The following WWOX variants were observed in gnomAD, a reference collection of about 807,000 sequenced individuals.
The protein encoded by WWOX is WW domain-containing oxidoreductase.
In WWOX, 69 loss-of-function variants were observed where a neutral mutation model predicts 46.2. The ratio of observed to expected loss-of-function variants is 1.49; its 90% confidence interval spans 1.23 to 1.82. The LOEUF is 1.82. Ranked by LOEUF, WWOX falls within the 40% of genes most tolerant of loss-of-function variation. The probability of loss-of-function intolerance (pLI) is 0.00; values close to 1 mark genes in which losing one functional copy is unlikely to be tolerated. For missense variants in WWOX, 919 were observed against 542.6 expected (o/e 1.69, Z -6.89); for synonymous variants, 359 against 202.6 (o/e 1.77, Z -6.56).
intron 5 of WWOX, among the ~76,000 whole-genome samples, chr16:78,333,980 G>A (rs2080821771): frequency 6.6e-6 from 1 of 152,080 alleles, no homozygotes; most frequent in Non-Finnish European, 1.5e-5. Flanking sequence ...CATGTACTTT[G>A]CATATCAGCC....
intron 5 of WWOX, among the ~76,000 whole-genome samples, chr16:78,246,306 G>A (rs1016245686): frequency 6.6e-6 from 1 of 152,190 alleles, no homozygotes; most frequent in Non-Finnish European, 1.5e-5. Context: ...AACCCAGTTT[G>A]CCAGGTCCTA....
chr16:78,211,244 G>A (rs939192314), intron 5 of WWOX, among the ~76,000 whole-genome samples: 4 of 152,294 alleles, frequency 2.6e-5, no homozygotes, highest in Admixed American at 6.5e-5. Flanking sequence ...TCAAGAAGGC[G>A]ATGGTAGAAC....
At chr16:78,627,950 G>T (rs528261319) in intron 8 of WWOX, among the ~76,000 whole-genome samples, 1 of 152,356 alleles carries the variant, frequency 6.6e-6, no homozygotes, top group South Asian at 2.1e-4. Context: ...AGTGTCACCT[G>T]TTGAGAGCTC....
chr16:79,013,716 G>T (rs775583942), intron 8 of WWOX, among the ~76,000 whole-genome samples: 7 of 152,226 alleles, frequency 4.6e-5, no homozygotes, highest in Non-Finnish European at 1.0e-4. Context: ...TCTGAAATCA[G>T]ATGGGAGCTC....
chr16:78,691,057 G>C (rs1350440662), intron 8 of WWOX, among the ~76,000 whole-genome samples: 1 of 152,122 alleles, frequency 6.6e-6, no homozygotes, highest in African/African-American at 2.4e-5. Context: ...AATGAGTTCT[G>C]ACTTCATAAA....
chr16:78,942,714 T>C (rs1597183547), intron 8 of WWOX, among the ~76,000 whole-genome samples: 1 of 152,196 alleles, frequency 6.6e-6, no homozygotes, highest in East Asian at 1.9e-4. Context: ...CTGAACTTGA[T>C]GGTCATCGCA....
In WWOX at chr16:78,425,217, T is replaced by G. The variant is rs140091517; in HGVS notation, c.791+162T>G. On this transcript the variant is annotated intron_variant, in intron 7 of 8. Transcript: ENST00000566780. ...TTTTTCCAGGTCTTTTTTGTTCGCC[T>G]GTGATTGTGGGGGACTGTTTAGAAG... Among the ~76,000 whole-genome samples the G allele has an allele frequency of 5.6e-4, 86 of 152,312 alleles. No homozygotes were observed. In the East Asian group the frequency reaches 0.013, roughly 24 times the overall value.
intron 8 of WWOX, among the ~76,000 whole-genome samples, chr16:78,951,573 A>G (rs376589400): frequency 2.9e-4 from 44 of 152,320 alleles, no homozygotes; most frequent in African/African-American, 1.0e-3. Context: ...GACAAAAACA[A>G]CAGGGCTTCA....
rs576042524 is a variant in WWOX at position 78,615,703 on chromosome 16, G to T, written c.1056+182951G>T. ...AATACATAATAAATAAACAGTAGTG[G>T]TTGAAAGAAAGGGAAGGAAGAAATG... is the stretch of plus-strand genomic sequence containing the variant. On this transcript the variant is annotated intron_variant, in intron 8 of 8. Coordinates refer to ENST00000566780, the MANE Select transcript of WWOX (RefSeq NM_016373.4). Among the ~76,000 whole-genome samples the T allele has an allele frequency of 3.5e-3, 502 of 143,378 alleles. 11 individuals carry two copies. Among genetic ancestry groups the T allele is most frequent in the Admixed American group, 0.027 (397 of 14,846 alleles). 94.1% of individuals were successfully genotyped at this position (143,378 alleles called of 152,430 possible).
At chr16:78,539,343 C>T (rs1484008428) in intron 8 of WWOX, among the ~76,000 whole-genome samples, 2 of 152,192 alleles carry the variant, frequency 1.3e-5, no homozygotes, top group African/African-American at 2.4e-5. Flanking sequence ...AAATATCCAG[C>T]TCTCTGTTTC....
At chr16:78,409,561 AAACAGCAAACATACACTATCTC>A (rs2082627212) in intron 6 of WWOX, among the ~76,000 whole-genome samples, 1 of 152,206 alleles carries the variant, frequency 6.6e-6, no homozygotes, top group African/African-American at 2.4e-5. Context: ...TAGCGACTTA[AAACAGCAAACATACACTATCTC>A]ACTCTGTTAG....
chr16:78,569,224 A>C (rs4035995), intron 8 of WWOX, among the ~76,000 whole-genome samples: 1 of 152,232 alleles, frequency 6.6e-6, no homozygotes, highest in African/African-American at 2.4e-5. Flanking sequence ...GAAGAATCAA[A>C]AATAGAAAAG....
At chr16:78,693,909 A>G (rs1262127051) in intron 8 of WWOX, among the ~76,000 whole-genome samples, 1 of 152,134 alleles carries the variant, frequency 6.6e-6, no homozygotes, top group Admixed American at 6.6e-5. Flanking sequence ...CAGACTCGGC[A>G]ACATTACAGA....
chr16:78,333,233 A>G lies in WWOX; in HGVS notation c.517-53627A>G, dbSNP rs776901379. Reference sequence around the variant, plus strand: ...ACCCAGGTAATTTTTCATTTTTGGTAGAGACGGCGTTTCACCGTGTTGGCC... The same window carrying G: ...ACCCAGGTAATTTTTCATTTTTGGTGGAGACGGCGTTTCACCGTGTTGGCC... On this transcript the variant is annotated intron_variant, in intron 5 of 8. Transcript: ENST00000566780. Among the ~76,000 whole-genome samples the G allele has an allele frequency of 6.3e-4, 95 of 151,596 alleles. 1 individual carries two copies. Among genetic ancestry groups the G allele is most frequent in the South Asian group, 1.0e-3 (5 of 4,768 alleles).
At chr16:78,115,940 A>G (rs550007220) in intron 4 of WWOX, among the ~76,000 whole-genome samples, 1 of 152,254 alleles carries the variant, frequency 6.6e-6, no homozygotes, top group East Asian at 1.9e-4. Context: ...GGTCCCCCGC[A>G]GCCCTCACAC....
At chr16:78,936,984 G>T (rs969313082) in intron 8 of WWOX, among the ~76,000 whole-genome samples, 12 of 152,218 alleles carry the variant, frequency 7.9e-5, no homozygotes, top group South Asian at 6.2e-4. Context: ...TAATCCATTT[G>T]GATTTGGGAA....
chr16:78,435,172 G>C (rs1359256126), intron 8 of WWOX, among the ~76,000 whole-genome samples: 2 of 152,120 alleles, frequency 1.3e-5, no homozygotes, highest in Non-Finnish European at 2.9e-5. Context: ...TATGGGGTTA[G>C]AAATGGAGGC....
chr16:78,770,453 G>C (rs1357494641), intron 8 of WWOX, among the ~76,000 whole-genome samples: 1 of 152,162 alleles, frequency 6.6e-6, no homozygotes, highest in African/African-American at 2.4e-5. Flanking sequence ...GAGCAAATCT[G>C]GGGTCCCCAC....
intron 8 of WWOX, among the ~76,000 whole-genome samples, chr16:79,080,996 A>G (rs1175779194): frequency 6.6e-6 from 1 of 152,194 alleles, no homozygotes; most frequent in East Asian, 1.9e-4. Flanking sequence ...CCAAACACAC[A>G]CACGCACATG....
Sources: allele counts gnomAD v4.1 joint callset (sites outside exome capture counted in the v4.1 genomes callset), GRCh38; gene constraint gnomAD v4.1.1; transcripts MANE v1.5; gene names NCBI Gene and HGNC (gene_info 2026-07-23, HGNC 2026-07-21).